LPP: variants seen among roughly 807,000 people sequenced by gnomAD.
LPP encodes LIM domain containing preferred translocation partner in lipoma, also known as lipoma-preferred partner.
Under a neutral mutation model 60.4 loss-of-function variants are expected in LPP, and 38 were observed. The ratio of observed to expected loss-of-function variants is 0.63; its 90% CI spans 0.49 to 0.83. The LOEUF (loss-of-function observed/expected upper bound fraction) is 0.83, where lower values mean the gene tolerates loss of function less well. Ranked by LOEUF, LPP falls within the 40% of genes least tolerant of loss-of-function variation. The pLI is 0.00. For missense variants in LPP, 902 were observed against 783.6 expected, an observed-to-expected ratio of 1.15 and a Z score of -1.80; for synonymous variants, 328 against 290.8, an observed-to-expected ratio of 1.13 and a Z score of -1.30.
intron 1 of LPP, among the ~76,000 whole-genome samples, chr3:188,188,846 A>AT (rs1326691832): frequency 6.6e-6 from 1 of 152,192 alleles, no homozygotes; most frequent in African/African-American, 2.4e-5. Flanking sequence ...TATGGATGAA[A>AT]TCTGCATCAC....
intron 7 of LPP, among the ~76,000 whole-genome samples, chr3:188,652,664 G>A (rs1019584033): frequency 1.3e-5 from 2 of 152,190 alleles, no homozygotes; most frequent in Non-Finnish European, 2.9e-5. Context: ...CAGAAGTAGG[G>A]TCAGGTAAGT....
intron 3 of LPP, among the ~76,000 whole-genome samples, chr3:188,374,920 T>C (rs1294079262): frequency 3.3e-5 from 5 of 152,010 alleles, no homozygotes; most frequent in South Asian, 2.1e-4. Context: ...GCATGAAGCG[T>C]TGTTGAATTT....
At chr3:188,484,789 C>A in intron 5 of LPP, 85 bp downstream of exon 5, 1 of 1,016,882 alleles carries the variant, frequency 9.8e-7, no homozygotes, top group South Asian at 1.3e-5. Context: ...TCATGAATTT[C>A]ATGAGTGTTT....
At chr3:188,520,336 T>G (rs895853327) in intron 5 of LPP, among the ~76,000 whole-genome samples, 1 of 152,230 alleles carries the variant, frequency 6.6e-6, no homozygotes, top group Non-Finnish European at 1.5e-5. Context: ...CGATCAGCTC[T>G]GCACAGGTGT....
chr3:188,706,542 T>C (rs1865512059), intron 7 of LPP, among the ~76,000 whole-genome samples: 1 of 152,232 alleles, frequency 6.6e-6, no homozygotes, highest in South Asian at 2.1e-4. Context: ...AAAGGCCAAA[T>C]AGGTACCAAT....
chr3:188,600,012 G>A (rs1840809257), intron 6 of LPP, among the ~76,000 whole-genome samples: 1 of 151,662 alleles, frequency 6.6e-6, no homozygotes, highest in Non-Finnish European at 1.5e-5. Flanking sequence ...AACATAAAAT[G>A]GAGAACAAAA....
intron 5 of LPP, among the ~76,000 whole-genome samples, chr3:188,498,573 G>A (rs1169198224): frequency 2.0e-5 from 3 of 152,110 alleles, no homozygotes; most frequent in African/African-American, 7.2e-5. Flanking sequence ...AGACATTTGG[G>A]TTCTTTCCCC....
At chr3:188,787,548 G>A (rs1474381419) in intron 9 of LPP, among the ~76,000 whole-genome samples, 2 of 151,994 alleles carry the variant, frequency 1.3e-5, no homozygotes, top group African/African-American at 4.8e-5. Flanking sequence ...AACATCACCA[G>A]TGACCTCTTT....
intron 5 of LPP, among the ~76,000 whole-genome samples, chr3:188,516,476 T>A (rs1431281376): frequency 6.6e-6 from 1 of 152,050 alleles, no homozygotes; most frequent in Non-Finnish European, 1.5e-5. Context: ...AAATACCTCT[T>A]AGCTATTATT....
At chr3:188,842,052 AT>A (rs1284618094) in intron 9 of LPP, among the ~76,000 whole-genome samples, 1 of 152,148 alleles carries the variant, frequency 6.6e-6, no homozygotes, top group African/African-American at 2.4e-5. Flanking sequence ...CTCTTGCCCG[AT>A]TGCACTGGCC....
In LPP at chr3:188,258,731, C is replaced by T. The variant is rs188905729; in HGVS notation, c.-67+33204C>T. ...GATTCTAAGATTCGTCTAGAGAAGACGATCACCGCATTAGGGGGCAGAAAG... is the reference window on the plus strand; with the variant it reads ...GATTCTAAGATTCGTCTAGAGAAGATGATCACCGCATTAGGGGGCAGAAAG... On this transcript the variant is annotated intron_variant, in intron 2 of 11. Transcript: ENST00000617246. 2.4e-4 allele frequency among the ~76,000 whole-genome samples: 37 copies of T among 152,262 alleles called. 1 individual carries two copies. Among genetic ancestry groups the T allele is most frequent in the South Asian group, 1.9e-3 (9 of 4,828 alleles).
intron 4 of LPP, among the ~76,000 whole-genome samples, chr3:188,422,110 G>A (rs761911493): frequency 2.6e-5 from 4 of 152,150 alleles, no homozygotes; most frequent in East Asian, 1.9e-4. Context: ...ACCAATGCAC[G>A]TACCTTTCTC....
chr3:188,345,648 TTC>T, intron 3 of LPP, among the ~76,000 whole-genome samples: 1 of 152,326 alleles, frequency 6.6e-6, no homozygotes, highest in Non-Finnish European at 1.5e-5. Flanking sequence ...TTTCAGACCC[TTC>T]TCTCTTATTT....
chr3:188,383,821 C>A (rs1052953456), intron 3 of LPP, among the ~76,000 whole-genome samples: 2 of 152,040 alleles, frequency 1.3e-5, no homozygotes, highest in South Asian at 4.1e-4. Flanking sequence ...TATTATTATT[C>A]TTTTATTTCC....
intron 4 of LPP, among the ~76,000 whole-genome samples, chr3:188,423,237 A>G (rs1788348206): frequency 6.6e-6 from 1 of 151,952 alleles, no homozygotes; most frequent in Non-Finnish European, 1.5e-5. Flanking sequence ...GCTGAGAATG[A>G]TGGTTTCCAG....
intron 4 of LPP, among the ~76,000 whole-genome samples, chr3:188,454,223 G>A (rs1224780065): frequency 3.3e-5 from 5 of 152,206 alleles, no homozygotes; most frequent in Non-Finnish European, 7.3e-5. Flanking sequence ...TGGCATCACA[G>A]CCTATGCTTG....
At chr3:188,786,739 G>A (rs1055730155) in intron 9 of LPP, among the ~76,000 whole-genome samples, 4 of 152,142 alleles carry the variant, frequency 2.6e-5, no homozygotes, top group East Asian at 3.9e-4. Flanking sequence ...CCTGGAATAC[G>A]ATTTAGCAAT....
At chr3:188,745,108 G>A (rs368094859) in intron 8 of LPP, among the ~76,000 whole-genome samples, 12 of 151,940 alleles carry the variant, frequency 7.9e-5, no homozygotes, top group East Asian at 5.8e-4. Flanking sequence ...TCATTTTCTA[G>A]AAAGAATTAA....
chr3:188,885,209 A>G lies in LPP; in HGVS notation c.*10730A>G, dbSNP rs1353432982. 9.9e-6 allele frequency: 2 copies of G among 202,300 alleles called. No individual in the cohort carries two copies. The highest frequency in any genetic ancestry group is 6.0e-5 in the Admixed American group (1 of 16,704). The allele number at this position is 202,300 out of a possible 1,614,324, so 12.5% of individuals were successfully genotyped here. On this transcript the variant is annotated 3_prime_UTR_variant, in exon 12 of 12. Coordinates refer to ENST00000617246, the MANE Select transcript of LPP (RefSeq NM_001375462.1). ...TATGTGAAGTGAGAGAAAAAATATC[A>G]TTTCTTCTCATTAAATCTCCTGCAT...
Sources: allele counts gnomAD v4.1 joint callset (sites outside exome capture counted in the v4.1 genomes callset), GRCh38; gene constraint gnomAD v4.1.1; transcripts MANE v1.5; gene names NCBI Gene and HGNC (gene_info 2026-07-23, HGNC 2026-07-21).